Variants in ABCA13 observed in about 807,000 individuals in gnomAD.
ABCA13 encodes the protein ATP-binding cassette sub-family A member 13.
ABCA13 carries 476 observed loss-of-function variants against 478.7 expected under a neutral mutation model. That is an observed-to-expected ratio of 0.99 (90% CI 0.92 to 1.07). The LOEUF is 1.07. ABCA13 is among the 50% of genes least tolerant of loss of function. The pLI, the probability that ABCA13 is intolerant of heterozygous loss-of-function variation, is 0.00. For missense variants in ABCA13, 6,060 were observed against 5,910.6 expected (o/e 1.03, Z -0.83); for synonymous variants, 2,252 against 2,158.9 (o/e 1.04, Z -1.20).
intron 31 of ABCA13, among the ~76,000 whole-genome samples, chr7:48,355,701 A>T (rs112265126): frequency 1.3e-5 from 2 of 151,990 alleles, no homozygotes; most frequent in African/African-American, 4.9e-5. Flanking sequence ...GCATTCAGGA[A>T]GTAGAGGCAA....
chr7:48,615,615 G>A (rs1792493631), intron 59 of ABCA13, among the ~76,000 whole-genome samples: 1 of 152,126 alleles, frequency 6.6e-6, no homozygotes, highest in South Asian at 2.1e-4. Flanking sequence ...CTCTTGCCAG[G>A]TAGACATTGC....
At chr7:48,477,509 G>A (rs1414572977) in intron 45 of ABCA13, among the ~76,000 whole-genome samples, 2 of 151,918 alleles carry the variant, frequency 1.3e-5, no homozygotes, top group African/African-American at 4.8e-5. Context: ...AACAATGATA[G>A]ACTGGATTAA....
intron 35 of ABCA13, among the ~76,000 whole-genome samples, chr7:48,383,025 A>G (rs1358655599): frequency 1.3e-5 from 2 of 152,084 alleles, no homozygotes; most frequent in African/African-American, 2.4e-5. Flanking sequence ...TCTTGGGCTG[A>G]CAGCTGGAAC....
At chr7:48,335,359 G>A in intron 27 of ABCA13, 63 bp from the exon 28 acceptor site, 1 of 1,264,034 alleles carries the variant, frequency 7.9e-7, no homozygotes. Flanking sequence ...AGTCCTTGTT[G>A]GAAGATTTAT....
chr7:48,208,916 C>G (rs1027033666), intron 3 of ABCA13, among the ~76,000 whole-genome samples: 2 of 152,040 alleles, frequency 1.3e-5, no homozygotes, highest in Admixed American at 6.6e-5. Flanking sequence ...TTCCCCTGTT[C>G]AGTATGCTAG....
At chr7:48,315,986 T>G (rs904252596) in intron 26 of ABCA13, among the ~76,000 whole-genome samples, 13 of 152,178 alleles carry the variant, frequency 8.5e-5, no homozygotes, top group African/African-American at 1.2e-4. Flanking sequence ...TAAAATAATA[T>G]TTTCATTTTA....
chr7:48,360,268 T>C (rs973668567), intron 31 of ABCA13, among the ~76,000 whole-genome samples: 2 of 143,444 alleles, frequency 1.4e-5, no homozygotes, highest in African/African-American at 5.2e-5. Flanking sequence ...AGTTCCCACC[T>C]ATGAGTGAGG....
At position 48,387,849 on chromosome 7, in the gene ABCA13, A is replaced by G. The variant is rs1428967077; in HGVS notation, c.11363A>G (p.Tyr3788Cys). The change falls in exon 36 of 62, where the codon TAT becomes TGT. Residue 3788 changes from tyrosine (Y) to cysteine (C), a missense_variant. By Grantham distance (194) the Tyr-to-Cys change is radical. This residue lies in a region of ABCA13 where 1,627 missense variants were observed against 1,571.0 expected (regional missense o/e 1.04). Transcript: ENST00000435803. Reference sequence around the variant, plus strand: ...ACATTTGGTTTACGGAAACCATGGTATTTCCCCTTTACTGCCTCATATTGG... The same window carrying G: ...ACATTTGGTTTACGGAAACCATGGTGTTTCCCCTTTACTGCCTCATATTGG... ...PGTFGLRKPW[Y>C]FPFTASYWKS... is the part of the protein sequence containing the mutation. 1.9e-6 allele frequency: 3 copies of G among 1,597,712 alleles called. No individual in the cohort carries two copies. Among genetic ancestry groups the G allele is most frequent in the South Asian group, 1.1e-5 (1 of 87,252 alleles).
chr7:48,472,918 C>T (rs763157082), intron 45 of ABCA13, among the ~76,000 whole-genome samples: 1 of 152,074 alleles, frequency 6.6e-6, no homozygotes, highest in Non-Finnish European at 1.5e-5. Flanking sequence ...AAAGGTGTAC[C>T]CAAGACTGGG....
chr7:48,311,630 T>G (rs557252060), intron 24 of ABCA13, among the ~76,000 whole-genome samples: 1 of 152,302 alleles, frequency 6.6e-6, no homozygotes, highest in Non-Finnish European at 1.5e-5. Context: ...AAGGATAAGA[T>G]AGTGGGTTGG....
intron 55 of ABCA13, among the ~76,000 whole-genome samples, chr7:48,553,111 G>A (rs115190181): frequency 1.3e-5 from 2 of 152,010 alleles, no homozygotes; most frequent in African/African-American, 2.4e-5. Context: ...TTAACACAAT[G>A]ACCACCAGTT....
chr7:48,449,509 T>C (rs908431063), intron 42 of ABCA13, among the ~76,000 whole-genome samples: 1 of 152,188 alleles, frequency 6.6e-6, no homozygotes, highest in Non-Finnish European at 1.5e-5. Flanking sequence ...CTGTCCAAAA[T>C]GTTCAGTGTA....
At chr7:48,411,310 T>TTTTCTTTTCTTTTC (rs144694075) in intron 40 of ABCA13, among the ~76,000 whole-genome samples, 1,754 of 118,454 alleles carry the variant, frequency 0.015, 25 homozygotes, top group East Asian at 0.021. Flanking sequence ...TTTTCTTTTC[T>TTTTCTTTTCTTTTC]TTTCTTTTCT....
chr7:48,294,442 GT>G (rs762841095), intron 20 of ABCA13, among the ~76,000 whole-genome samples: 10 of 32,556 alleles, frequency 3.1e-4, no homozygotes, highest in Non-Finnish European at 3.3e-4. Context: ...TTTTTTTTTT[GT>G]TTTGTTTTTT....
chr7:48,421,654 C>T (rs1486204176), intron 41 of ABCA13, among the ~76,000 whole-genome samples: 1 of 152,196 alleles, frequency 6.6e-6, no homozygotes, highest in African/African-American at 2.4e-5. Context: ...AGCCATTTCT[C>T]CAAGAAATCC....
chr7:48,359,935 A>G (rs1355741357), intron 31 of ABCA13, among the ~76,000 whole-genome samples: 1 of 152,080 alleles, frequency 6.6e-6, no homozygotes, highest in African/African-American at 2.4e-5. Context: ...CCACCTGCAG[A>G]AAAAGCAATG....
chr7:48,261,318 C>T (rs893646270), intron 15 of ABCA13, among the ~76,000 whole-genome samples: 1 of 151,952 alleles, frequency 6.6e-6, no homozygotes, highest in Non-Finnish European at 1.5e-5. Flanking sequence ...AGCTTCCCCG[C>T]CGCTTTTCCT....
Position 48,614,250 on chromosome 7 carries a change from G to A in ABCA13, c.14745-1035G>A, listed in dbSNP as rs557813282. Among the ~76,000 whole-genome samples the A allele has an allele frequency of 1.4e-3, 216 of 150,854 alleles. 9 individuals carry two copies. The highest frequency in any genetic ancestry group is 0.012 in the South Asian group (55 of 4,730). On this transcript the variant is annotated intron_variant, in intron 58 of 61. Transcript: ENST00000435803. ...TTTCATAAAACATTCACATTGCTTT[G>A]TTAAGATTATTCTTATTTTGTATTT... is the stretch of plus-strand genomic sequence containing the variant.
chr7:48,220,778 C>T (rs1419146909), intron 4 of ABCA13, among the ~76,000 whole-genome samples: 1 of 152,150 alleles, frequency 6.6e-6, no homozygotes, highest in South Asian at 2.1e-4. Flanking sequence ...TTTTAACATG[C>T]TATTTAAAGA....
Sources: gnomAD v4.1 joint callset for allele counts (sites outside exome capture counted in the v4.1 genomes callset) on GRCh38, gnomAD v4.1.1 for gene constraint, gnomAD v4.1.1 regional missense constraint, MANE v1.5 for transcripts, NCBI Gene and HGNC (gene_info 2026-07-23, HGNC 2026-07-21) for gene names.